Variants in MAPKBP1 observed in about 807,000 individuals in gnomAD.
MAPKBP1 encodes mitogen-activated protein kinase-binding protein 1.
In MAPKBP1, 71 loss-of-function variants were observed where a neutral mutation model predicts 170.5. That is an observed-to-expected ratio of 0.42 (90% CI 0.34 to 0.51). The LOEUF is 0.51. Among genes scored for constraint, MAPKBP1 ranks in the 20% least tolerant of loss-of-function variants. The pLI is 0.06. For missense variants in MAPKBP1, 1,598 were observed against 1,933.0 expected (o/e 0.83, Z 3.25); for synonymous variants, 719 against 757.9 (o/e 0.95, Z 0.84).
In MAPKBP1 at chr15:41,818,370, C is replaced by G; in HGVS notation, c.2092+65C>G. The G allele has an allele frequency of 1.4e-6, 2 of 1,441,934 alleles. No individual in the cohort carries two copies. Among genetic ancestry groups the G allele is most frequent in the Non-Finnish European group, 1.9e-6 (2 of 1,025,944 alleles). 89.3% of individuals were successfully genotyped at this position (1,441,934 alleles called of 1,614,324 possible). A position where few individuals can be genotyped will look rare whatever the true frequency, so the allele number is the denominator to read the frequency against. On this transcript the variant is annotated intron_variant, in intron 18 of 30. Coordinates refer to ENST00000457542, the MANE Select transcript of MAPKBP1 (RefSeq NM_014994.3). The surrounding 1 kb of genome is among the most constrained non-coding windows in gnomAD (Gnocchi z 5.2). ...GCGTAAACCTGAGTGAGTTCCACCC[C>G]TGGAACTTCACTCTTCTATTAGTTT...
At chr15:41,821,497 C>T in intron 23 of MAPKBP1, 87 bp from the exon 24 acceptor site, 1 of 1,274,274 alleles carries the variant, frequency 7.8e-7, no homozygotes. Context: ...GGAGGGTTGG[C>T]CCCCAGGATA....
chr15:41,778,738 T>G (rs2064135624), intron 2 of MAPKBP1, among the ~76,000 whole-genome samples: 1 of 152,200 alleles, frequency 6.6e-6, no homozygotes, highest in South Asian at 2.1e-4. Context: ...CTAACCCTCC[T>G]CCTCTGAAAG....
intron 3 of MAPKBP1, 79 bp from the exon 4 acceptor site, chr15:41,810,804 T>A (rs1262571039): frequency 2.6e-6 from 3 of 1,175,032 alleles, no homozygotes; most frequent in Non-Finnish European, 3.8e-6. Context: ...GCCGGGTGAC[T>A]GGAAGTCCTG....
At chr15:41,782,488 C>G (rs1427356700) in intron 2 of MAPKBP1, among the ~76,000 whole-genome samples, 3 of 152,266 alleles carry the variant, frequency 2.0e-5, no homozygotes, top group African/African-American at 7.2e-5. Flanking sequence ...CATATACTAT[C>G]TTATTCAAGT....
chr15:41,779,412 T>C (rs1036198265), intron 2 of MAPKBP1, among the ~76,000 whole-genome samples: 3 of 152,132 alleles, frequency 2.0e-5, no homozygotes, highest in African/African-American at 7.2e-5. Context: ...TGTTTCACCA[T>C]GTTGGTCAGG....
In MAPKBP1 at chr15:41,823,053, G is replaced by C. The variant is rs1213432980; in HGVS notation, c.3429G>C (p.Pro1143=). ...GTGCCAATCCCCCTGGAGCACCCCC[G>C]GAGGTGGAACCGTCCTCTGGCAACC... ...GNGANPPGAP[P]EVEPSSGNPS... Residue 1143 remains proline (P), a synonymous_variant, in exon 28 of 31, where the codon CCG becomes CCC. Transcript: ENST00000457542. 2 of 1,613,826 alleles carry C rather than the reference G, an allele frequency of 1.2e-6. No homozygotes were observed. The highest frequency in any genetic ancestry group is 1.7e-6 in the Non-Finnish European group (2 of 1,179,926).
intron 2 of MAPKBP1, among the ~76,000 whole-genome samples, chr15:41,777,474 T>G (rs890769684): frequency 6.6e-6 from 1 of 152,150 alleles, no homozygotes; most frequent in African/African-American, 2.4e-5. Context: ...TACCATTCCC[T>G]GTTTAAAATA....
rs140092410 is a variant in MAPKBP1, at chr15:41,793,106, A to G, written c.115-6717A>G. On this transcript the variant is annotated intron_variant, in intron 2 of 30. Coordinates refer to ENST00000457542, the MANE Select transcript of MAPKBP1 (RefSeq NM_014994.3). ...CCAGCTCCCTTCTGTTAAGCCAGATATGAAAAAGGTTTGCAAAAATGTAAA... is the reference window on the plus strand; with the variant it reads ...CCAGCTCCCTTCTGTTAAGCCAGATGTGAAAAAGGTTTGCAAAAATGTAAA... Among the ~76,000 whole-genome samples the G allele has an allele frequency of 6.1e-3, 924 of 152,340 alleles. 14 individuals are homozygous for G. The highest frequency in any genetic ancestry group is 0.021 in the African/African-American group (893 of 41,574).
chr15:41,800,429 G>A (rs1312708940), intron 3 of MAPKBP1, among the ~76,000 whole-genome samples: 2 of 151,068 alleles, frequency 1.3e-5, no homozygotes, highest in African/African-American at 4.9e-5. Context: ...CTGCACCTCC[G>A]CCTCCGACAC....
At chr15:41,821,344 G>A in intron 23 of MAPKBP1, 1 of 607,848 alleles carries the variant, frequency 1.6e-6, no homozygotes, top group Non-Finnish European at 2.9e-6. Flanking sequence ...GCTGGAGGTT[G>A]GCAGCCCAGA....
intron 11 of MAPKBP1, 73 bp downstream of exon 11, chr15:41,815,478 TG>T: frequency 1.3e-6 from 2 of 1,586,996 alleles, no homozygotes; most frequent in Non-Finnish European, 1.7e-6. Flanking sequence ...ACCTTGTTAC[TG>T]GGAACTGGTC....
At chr15:41,774,924 G>T (rs1167274534) in intron 1 of MAPKBP1, 2 of 472,862 alleles carry the variant, frequency 4.2e-6, no homozygotes, top group Non-Finnish European at 3.7e-6. Context: ...ACCAACTGGG[G>T]CCCATCCCAT....
At position 41,783,958 on chromosome 15, in the gene MAPKBP1, G is replaced by A. The variant is rs536610561; in HGVS notation, c.114+8569G>A. ...CGGGAGGCAGAGCTTACAGTGAGCC[G>A]AGATCGCGCCACTGCACTCCAGCCT... On this transcript the variant is annotated intron_variant, in intron 2 of 30. Coordinates refer to ENST00000457542, the MANE Select transcript of MAPKBP1 (RefSeq NM_014994.3). Among the ~76,000 whole-genome samples the A allele has an allele frequency of 6.6e-5, 10 of 152,166 alleles. No individual in the cohort carries two copies. In the East Asian group the frequency reaches 1.7e-3, roughly 27 times the overall value.
In MAPKBP1 at chr15:41,815,619, A is replaced by G; in HGVS notation, c.1318-5A>G. ...TCATCCACCTTTTCTAACCTGTTCC[A>G]CTAGGACCTCATTAAAATCATCTAT... On this transcript the variant is annotated splice_polypyrimidine_tract_variant and splice_region_variant and intron_variant, in intron 11 of 30. Transcript: ENST00000457542. The G allele has an allele frequency of 6.2e-7, 1 of 1,612,754 alleles. No homozygotes were observed.
chr15:41,817,094 C>G lies in MAPKBP1; in HGVS notation c.1711+59C>G. ...CTCTCACCCCTGCTGCCATCTGCCT[C>G]CCACCTCCATGAGAAGGGTCTGCCC... is the stretch of plus-strand genomic sequence containing the variant. On this transcript the variant is annotated intron_variant, in intron 14 of 30. Transcript: ENST00000457542. This position sits in a 1 kb window ranked among gnomAD's most constrained non-coding sequence, Gnocchi z 4.2. 6.5e-7 allele frequency: 1 copy of G among 1,531,812 alleles called. No individual in the cohort carries two copies. Among genetic ancestry groups the G allele is most frequent in the East Asian group, 2.3e-5 (1 of 44,014 alleles). 94.9% of individuals were successfully genotyped at this position (1,531,812 alleles called of 1,614,324 possible).
chr15:41,820,874 A>C lies in MAPKBP1; in HGVS notation c.2524A>C (p.Asn842His), dbSNP rs1436630622. Residue 842 changes from asparagine to histidine, a missense_variant, in exon 23 of 31, where the codon AAC (asparagine) becomes CAC (histidine). Asn to His is a moderately conservative substitution (Grantham distance 68). This residue lies in a region of MAPKBP1 where 942 missense variants were observed against 953.2 expected (regional missense o/e 0.99). Transcript: ENST00000457542. ...VGFLDPAPAANPGPRRRGRWV... is the reference protein window; with the variant it reads ...VGFLDPAPAAHPGPRRRGRWV... Reference sequence around the variant, plus strand: ...GTTCCTGGACCCAGCTCCTGCAGCCAACCCAGGACCCAGAAGAAGAGGGCG... The same window carrying C: ...GTTCCTGGACCCAGCTCCTGCAGCCCACCCAGGACCCAGAAGAAGAGGGCG... 6.2e-7 allele frequency: 1 copy of C among 1,613,950 alleles called. No homozygotes were observed. The highest frequency in any genetic ancestry group is 2.2e-5 in the East Asian group (1 of 44,902).
At position 41,817,646 on chromosome 15, in the gene MAPKBP1, C is replaced by G. The variant is rs1265066572; in HGVS notation, c.1815C>G (p.His605Gln). ...ATGGAGTGCAGTTCACACGGACACA[C>G]CACGTGGTGCGGAAGACGACCCTCT... ...SGDGVQFTRT[H>Q]HVVRKTTLYD... The change falls in exon 16 of 31, where the codon CAC becomes CAG. Residue 605 changes from histidine (H) to glutamine (Q), a missense_variant. His to Gln is a conservative substitution (Grantham distance 24). Coordinates refer to ENST00000457542, the MANE Select transcript of MAPKBP1 (RefSeq NM_014994.3). The surrounding 1 kb of genome is among the most constrained non-coding windows in gnomAD (Gnocchi z 4.2). The G allele has an allele frequency of 6.2e-7, 1 of 1,614,110 alleles. No homozygotes were observed. Among genetic ancestry groups the G allele is most frequent in the Non-Finnish European group, 8.5e-7 (1 of 1,180,050 alleles).
At chr15:41,775,777 G>C (rs2064088615) in intron 2 of MAPKBP1, among the ~76,000 whole-genome samples, 1 of 152,246 alleles carries the variant, frequency 6.6e-6, no homozygotes, top group Non-Finnish European at 1.5e-5. Context: ...TAACGTAACA[G>C]CTGGGGTTAT....
intron 30 of MAPKBP1, 52 bp downstream of exon 30, chr15:41,824,621 G>A: frequency 6.7e-7 from 1 of 1,494,716 alleles, no homozygotes; most frequent in Non-Finnish European, 9.0e-7. Context: ...GTAGTGCTGG[G>A]TGTTTCGGAT....
Sources: allele counts gnomAD v4.1 joint callset (sites outside exome capture counted in the v4.1 genomes callset), GRCh38; gene constraint gnomAD v4.1.1; regional missense constraint gnomAD v4.1.1; non-coding constraint Gnocchi (gnomAD v3.1); transcripts MANE v1.5; gene names NCBI Gene and HGNC (gene_info 2026-07-23, HGNC 2026-07-21).